Variants in MARCHF1 observed in about 807,000 individuals in gnomAD.
The protein encoded by MARCHF1 is membrane associated ring-CH-type finger 1.
Under a neutral mutation model 54.2 loss-of-function variants are expected in MARCHF1, and 40 were observed. The observed-to-expected ratio is 0.74, with a 90% confidence interval of 0.57 to 0.96. The LOEUF is 0.96. MARCHF1 is among the 40% of genes least tolerant of loss of function. MARCHF1 has a pLI of 0.00. For synonymous variants in MARCHF1, 236 were observed against 236.3 expected (o/e 1.00, Z 0.01); for missense variants, 586 against 656.5 (o/e 0.89, Z 1.17).
At chr4:163,558,876 A>G (rs1174913206) in intron 8 of MARCHF1, among the ~76,000 whole-genome samples, 2 of 152,138 alleles carry the variant, frequency 1.3e-5, no homozygotes, top group Admixed American at 6.5e-5. Context: ...TATGACTTCT[A>G]CTTCAGAGAA....
intron 2 of MARCHF1, among the ~76,000 whole-genome samples, chr4:164,045,393 T>A (rs771338180): frequency 5.9e-5 from 9 of 151,898 alleles, no homozygotes; most frequent in African/African-American, 9.7e-5. Flanking sequence ...TTGTCTGTAA[T>A]CCCACCTACT....
intron 1 of MARCHF1, among the ~76,000 whole-genome samples, chr4:164,208,621 C>T (rs1731677684): frequency 6.6e-6 from 1 of 152,128 alleles, no homozygotes; most frequent in African/African-American, 2.4e-5. Flanking sequence ...AAAGATGATT[C>T]TTTAAAAGTA....
At chr4:163,887,402 T>C (rs1201310426) in intron 3 of MARCHF1, among the ~76,000 whole-genome samples, 1 of 152,072 alleles carries the variant, frequency 6.6e-6, no homozygotes, top group Non-Finnish European at 1.5e-5. Flanking sequence ...GCAAAGAATT[T>C]TGTTTCTAAA....
intron 4 of MARCHF1, among the ~76,000 whole-genome samples, chr4:163,805,298 G>T (rs1342202012): frequency 1.3e-5 from 2 of 151,654 alleles, no homozygotes. Context: ...CCATAATTGT[G>T]CATGCTTTTA....
At chr4:164,088,028 ATGAG>A (rs146012562) in intron 2 of MARCHF1, among the ~76,000 whole-genome samples, 2,042 of 152,288 alleles carry the variant, frequency 0.013, 34 homozygotes, top group African/African-American at 0.046. Context: ...ATACATATGA[ATGAG>A]TATTAGACAG....
At chr4:163,697,030 G>A (rs1285866037) in intron 5 of MARCHF1, among the ~76,000 whole-genome samples, 1 of 152,102 alleles carries the variant, frequency 6.6e-6, no homozygotes, top group African/African-American at 2.4e-5. Flanking sequence ...AAGGGAAAAG[G>A]CACAGGGAGT....
At chr4:164,167,130 G>A (rs987304548) in intron 1 of MARCHF1, among the ~76,000 whole-genome samples, 2 of 151,658 alleles carry the variant, frequency 1.3e-5, no homozygotes, top group Non-Finnish European at 3.0e-5. Flanking sequence ...GATTAAATGA[G>A]ACAATATATG....
chr4:163,762,636 AAT>A (rs1335059408), intron 4 of MARCHF1, among the ~76,000 whole-genome samples: 1 of 152,132 alleles, frequency 6.6e-6, no homozygotes, highest in Non-Finnish European at 1.5e-5. Context: ...CGTTGTAAAC[AAT>A]GTTATAATGA....
intron 1 of MARCHF1, among the ~76,000 whole-genome samples, chr4:164,201,322 C>G (rs375719403): frequency 6.6e-6 from 1 of 152,118 alleles, no homozygotes; most frequent in African/African-American, 2.4e-5. Flanking sequence ...CAGGTTCAAG[C>G]GATTCTCCTG....
intron 5 of MARCHF1, among the ~76,000 whole-genome samples, chr4:163,651,493 C>T (rs1220918242): frequency 1.3e-5 from 2 of 150,164 alleles, no homozygotes; most frequent in African/African-American, 2.4e-5. Context: ...CTCTTTAATT[C>T]CTGCAGCTCT....
chr4:163,832,700 T>G (rs986743748), intron 4 of MARCHF1, among the ~76,000 whole-genome samples: 1 of 150,890 alleles, frequency 6.6e-6, no homozygotes, highest in African/African-American at 2.4e-5. Flanking sequence ...TAACTCGTCA[T>G]TTAGCATTAG....
intron 2 of MARCHF1, among the ~76,000 whole-genome samples, chr4:164,052,589 T>A (rs1754398141): frequency 2.0e-5 from 3 of 152,068 alleles, no homozygotes; most frequent in Admixed American, 2.0e-4. Context: ...AAGTGCGCTA[T>A]AAAACTAAGG....
chr4:164,304,787 A>T (rs527350908), intron 1 of MARCHF1, among the ~76,000 whole-genome samples: 1 of 152,328 alleles, frequency 6.6e-6, no homozygotes, highest in South Asian at 2.1e-4. Context: ...ACAGTTTTAT[A>T]AATGCCCATA....
chr4:163,550,403 T>G (rs992600232), intron 8 of MARCHF1, among the ~76,000 whole-genome samples: 2 of 152,124 alleles, frequency 1.3e-5, no homozygotes, highest in Non-Finnish European at 2.9e-5. Context: ...GGTTTCCAGC[T>G]TCCGTAACAG....
chr4:164,025,814 G>T (rs940609197), intron 2 of MARCHF1, among the ~76,000 whole-genome samples: 24 of 151,422 alleles, frequency 1.6e-4, no homozygotes, highest in African/African-American at 5.3e-4. Context: ...GAATAAGAAA[G>T]ATTGATAGAC....
intron 3 of MARCHF1, chr4:163,933,093 A>G: frequency 6.9e-7 from 1 of 1,451,852 alleles, no homozygotes; most frequent in Non-Finnish European, 9.4e-7. Flanking sequence ...CACGCTGGCT[A>G]AAACGGCTTT....
intron 2 of MARCHF1, among the ~76,000 whole-genome samples, chr4:163,991,892 G>C (rs76483897): frequency 0.033 from 5,052 of 151,794 alleles, 205 homozygotes; most frequent in East Asian, 0.17. Context: ...CCAAAATTTG[G>C]CATTTTTACA....
intron 2 of MARCHF1, among the ~76,000 whole-genome samples, chr4:164,050,261 C>T (rs1156605356): frequency 5.7e-5 from 6 of 105,938 alleles, no homozygotes; most frequent in African/African-American, 7.5e-5. Context: ...GGCGACGGAG[C>T]GAGACACTGT....
intron 1 of MARCHF1, among the ~76,000 whole-genome samples, chr4:164,328,913 G>C (rs1213876782): frequency 6.6e-6 from 1 of 152,092 alleles, no homozygotes; most frequent in African/African-American, 2.4e-5. Flanking sequence ...AATTACAAAA[G>C]ATTCCTAGTT....
Sources: allele counts gnomAD v4.1 joint callset (sites outside exome capture counted in the v4.1 genomes callset), GRCh38; gene constraint gnomAD v4.1.1; transcripts MANE v1.5; gene names NCBI Gene and HGNC (gene_info 2026-07-23, HGNC 2026-07-21).